Variants in ATL1 observed in about 807,000 individuals in gnomAD.
The protein encoded by ATL1 is atlastin-1.
ATL1 carries 31 observed loss-of-function variants against 75.5 expected under a neutral mutation model. The ratio of observed to expected loss-of-function variants is 0.41; its 90% CI spans 0.31 to 0.55. The LOEUF (loss-of-function observed/expected upper bound fraction) is 0.55, where lower values mean the gene tolerates loss of function less well. Ranked by LOEUF, ATL1 falls within the 20% of genes least tolerant of loss-of-function variation. The probability of loss-of-function intolerance (pLI) is 0.27; values close to 1 mark genes in which losing one functional copy is unlikely to be tolerated. For missense variants in ATL1, 405 were observed against 662.6 expected, an observed-to-expected ratio of 0.61 and a Z score of 4.27; for synonymous variants, 226 against 233.3, an observed-to-expected ratio of 0.97 and a Z score of 0.28.
At chr14:50,563,921 A>G (rs1025362156) in intron 1 of ATL1, among the ~76,000 whole-genome samples, 9 of 152,236 alleles carry the variant, frequency 5.9e-5, no homozygotes, top group Admixed American at 2.6e-4. Flanking sequence ...TTCAGAGAGC[A>G]TAAATGACTT....
At chr14:50,570,698 A>G (rs2038947137) in intron 1 of ATL1, among the ~76,000 whole-genome samples, 1 of 152,174 alleles carries the variant, frequency 6.6e-6, no homozygotes, top group Non-Finnish European at 1.5e-5. Flanking sequence ...TAGGGTTGCC[A>G]TATTGTCTTT....
intron 8 of ATL1, among the ~76,000 whole-genome samples, chr14:50,618,859 ATGTG>A (rs71441298): frequency 6.8e-6 from 1 of 147,734 alleles, no homozygotes; most frequent in Non-Finnish European, 1.5e-5. Context: ...TATATAATGT[ATGTG>A]TGTGTGTGTG....
At chr14:50,629,912 T>G in intron 12 of ATL1, 83 bp from the exon 13 acceptor site, 2 of 1,096,344 alleles carry the variant, frequency 1.8e-6, no homozygotes, top group Non-Finnish European at 2.7e-6. Flanking sequence ...CAAATTAATA[T>G]TGTAAGCAAA....
Position 50,589,253 on chromosome 14 carries a change from G to A in ATL1, c.282+1175G>A, listed in dbSNP as rs373928401. Among the ~76,000 whole-genome samples, 14 of 147,576 alleles carry A rather than the reference G, an allele frequency of 9.5e-5. No individual in the cohort carries two copies. The East Asian group carries it at 1.6e-3, about 17-fold the overall frequency. On this transcript the variant is annotated intron_variant, in intron 2 of 13. Coordinates refer to ENST00000358385, the MANE Select transcript of ATL1 (RefSeq NM_015915.5). Reference sequence around the variant, plus strand: ...TGGTTCACTGCAACCTCTGCCTCCCGGGTTCAAGGATTCTCCTGCCTCAGC... The same window carrying A: ...TGGTTCACTGCAACCTCTGCCTCCCAGGTTCAAGGATTCTCCTGCCTCAGC...
At chr14:50,600,025 C>G (rs1438393305) in intron 6 of ATL1, among the ~76,000 whole-genome samples, 1 of 150,116 alleles carries the variant, frequency 6.7e-6, no homozygotes, top group Non-Finnish European at 1.5e-5. Flanking sequence ...CGTTGAAGTG[C>G]TATATGGTAA....
At chr14:50,581,149 C>A (rs980892624) in intron 1 of ATL1, among the ~76,000 whole-genome samples, 7 of 150,082 alleles carry the variant, frequency 4.7e-5, no homozygotes, top group Admixed American at 1.3e-4. Context: ...TTATTTTTGA[C>A]CATTATTTCC....
chr14:50,625,444 G>A (rs1055930965), intron 11 of ATL1, among the ~76,000 whole-genome samples: 4 of 152,230 alleles, frequency 2.6e-5, no homozygotes, highest in Non-Finnish European at 5.9e-5. Flanking sequence ...GGTAAACAGA[G>A]ATTTTCAATA....
At chr14:50,572,526 T>C (rs2038963761) in intron 1 of ATL1, among the ~76,000 whole-genome samples, 1 of 152,160 alleles carries the variant, frequency 6.6e-6, no homozygotes, top group Non-Finnish European at 1.5e-5. Flanking sequence ...TAATTTTGTT[T>C]ATGTGTACCT....
At chr14:50,601,943 C>T (rs755107630) in intron 6 of ATL1, among the ~76,000 whole-genome samples, 5 of 152,108 alleles carry the variant, frequency 3.3e-5, no homozygotes, top group Non-Finnish European at 7.3e-5. Flanking sequence ...TGTCTTGTCA[C>T]GTGCGATAGA....
chr14:50,629,873 C>G, intron 12 of ATL1, 122 bp from the exon 13 acceptor site: 2 of 551,966 alleles, frequency 3.6e-6, no homozygotes, highest in Non-Finnish European at 5.7e-6. Context: ...ACTGAAAAAT[C>G]TGCAGGAGTA....
At chr14:50,554,972 T>C (rs529012633) in intron 1 of ATL1, among the ~76,000 whole-genome samples, 2 of 152,362 alleles carry the variant, frequency 1.3e-5, no homozygotes, top group South Asian at 4.1e-4. Context: ...TTTTCCAATG[T>C]CTATTTCCCT....
At chr14:50,555,202 C>T (rs1204057693), upstream of ATL1, among the ~76,000 whole-genome samples, 3 of 152,220 alleles carry the variant, frequency 2.0e-5, no homozygotes, top group Admixed American at 2.0e-4. Flanking sequence ...CATCATGGAA[C>T]ATATGATAGA....
At chr14:50,581,822 G>GAA (rs2039057734) in intron 1 of ATL1, among the ~76,000 whole-genome samples, 2 of 152,090 alleles carry the variant, frequency 1.3e-5, no homozygotes, top group South Asian at 4.1e-4. Context: ...GGTAAGGCTG[G>GAA]CTACTGGCTA....
intron 1 of ATL1, among the ~76,000 whole-genome samples, chr14:50,542,055 G>T (rs910865018): frequency 1.6e-5 from 2 of 125,042 alleles, no homozygotes; most frequent in Admixed American, 9.0e-5. Flanking sequence ...AAAAGAATAT[G>T]CTGTTATCTG....
At chr14:50,559,278 A>G (rs2038803290), upstream of ATL1, 1 of 152,270 alleles carries the variant, frequency 6.6e-6, no homozygotes. Flanking sequence ...TGTGAGTAAC[A>G]ACCAAATGGC....
At chr14:50,573,958 T>G (rs997250114) in intron 1 of ATL1, among the ~76,000 whole-genome samples, 1 of 152,210 alleles carries the variant, frequency 6.6e-6, no homozygotes, top group East Asian at 1.9e-4. Context: ...ATGTAGATGC[T>G]TTATGTTTCT....
chr14:50,592,060 T>C (rs1346222025), intron 4 of ATL1, among the ~76,000 whole-genome samples: 1 of 152,210 alleles, frequency 6.6e-6, no homozygotes, highest in Non-Finnish European at 1.5e-5. Flanking sequence ...TTTACATGTG[T>C]TCATAGCTTT....
At chr14:50,564,526 G>A (rs1271117302) in intron 1 of ATL1, among the ~76,000 whole-genome samples, 1 of 151,632 alleles carries the variant, frequency 6.6e-6, no homozygotes, top group Non-Finnish European at 1.5e-5. Flanking sequence ...GCATGCACTT[G>A]TAATCCCAGC....
At position 50,628,404 on chromosome 14, in the gene ATL1, G is replaced by A; in HGVS notation, c.1493G>A (p.Gly498Glu). The A allele has an allele frequency of 1.9e-6, 3 of 1,614,090 alleles. No individual in the cohort carries two copies. The highest frequency in any genetic ancestry group is 2.5e-6 in the Non-Finnish European group (3 of 1,180,022). ...LCTWAYIRYS[G>E]EYRELGAVID... Reference sequence around the variant, plus strand: ...ACTTGGGCATATATCCGGTACTCTGGAGAATACCGAGAGCTGGGAGCTGTA... The same window carrying A: ...ACTTGGGCATATATCCGGTACTCTGAAGAATACCGAGAGCTGGGAGCTGTA... The change falls in exon 12 of 14, where the codon GGA becomes GAA. Residue 498 changes from glycine to glutamate, a missense_variant. Gly to Glu is a moderately conservative substitution (Grantham distance 98). Around this residue, in one of 5 missense-constraint regions of ATL1, gnomAD observed 163 missense variants for 244.1 expected, o/e 0.67. Coordinates refer to ENST00000358385, the MANE Select transcript of ATL1 (RefSeq NM_015915.5).
Sources: allele counts gnomAD v4.1 joint callset (sites outside exome capture counted in the v4.1 genomes callset), GRCh38; gene constraint gnomAD v4.1.1; regional missense constraint gnomAD v4.1.1; transcripts MANE v1.5; gene names NCBI Gene and HGNC (gene_info 2026-07-23, HGNC 2026-07-21).